Variants in MDGA1 observed in about 807,000 individuals in gnomAD.
The protein encoded by MDGA1 is MAM domain-containing glycosylphosphatidylinositol anchor protein 1.
Under a neutral mutation model 101.5 loss-of-function variants are expected in MDGA1, and 54 were observed. The observed-to-expected ratio is 0.53, with a 90% CI of 0.43 to 0.67. MDGA1 has a LOEUF of 0.67. Ranked by LOEUF, MDGA1 falls within the 30% of genes least tolerant of loss-of-function variation. MDGA1 has a pLI of 0.00. For missense variants in MDGA1, 1,083 were observed against 1,323.8 expected, an observed-to-expected ratio of 0.82 and a Z score of 2.82; for synonymous variants, 533 against 558.3, an observed-to-expected ratio of 0.95 and a Z score of 0.64.
chr6:37,638,730 T>A lies in MDGA1; in HGVS notation c.2537-63A>T. ...GCCAGGGCACCCTCACCTTTCCACA[T>A]TTACCAAGCCCTCTTCTCCCACCAT... On this transcript the variant is annotated intron_variant, in intron 14 of 16. Coordinates refer to ENST00000434837, the MANE Select transcript of MDGA1 (RefSeq NM_153487.4). This position sits in a 1 kb window ranked among gnomAD's most constrained non-coding sequence, Gnocchi z 4.8. 1 of 1,550,498 alleles carries A rather than the reference T, an allele frequency of 6.4e-7. No homozygotes were observed. Among genetic ancestry groups the A allele is most frequent in the Non-Finnish European group, 8.7e-7 (1 of 1,145,164 alleles).
rs141938252 is a variant in MDGA1, at chr6:37,668,444, A to G, written c.68-4338T>C. Among the ~76,000 whole-genome samples the G allele has an allele frequency of 1.3e-3, 193 of 152,348 alleles. 2 individuals are homozygous for G. The highest frequency in any genetic ancestry group is 2.0e-3 in the Non-Finnish European group (136 of 68,038). On this transcript the variant is annotated intron_variant, in intron 1 of 16. Transcript: ENST00000434837. ...AAATGAGTACTTATGGCAACCAAAC[A>G]ATAAGTACAAAGATATTCACAGTGG...
intron 3 of MDGA1, among the ~76,000 whole-genome samples, chr6:37,657,095 A>G (rs1262425900): frequency 1.3e-5 from 2 of 152,178 alleles, no homozygotes; most frequent in Non-Finnish European, 2.9e-5. Flanking sequence ...ACACACACAC[A>G]TATGTAAAAA....
At chr6:37,679,213 G>A (rs572993936) in intron 1 of MDGA1, among the ~76,000 whole-genome samples, 2 of 152,090 alleles carry the variant, frequency 1.3e-5, no homozygotes, top group Non-Finnish European at 2.9e-5. Context: ...ACTTTTAAAT[G>A]ACTTGAAATC....
intron 1 of MDGA1, among the ~76,000 whole-genome samples, chr6:37,667,521 A>G (rs1247381065): frequency 1.3e-5 from 2 of 152,252 alleles, no homozygotes; most frequent in Admixed American, 1.3e-4. Flanking sequence ...CTGTCACCTC[A>G]TGCAATAAAA....
At chr6:37,653,052 T>A (rs184496381) in intron 6 of MDGA1, among the ~76,000 whole-genome samples, 11 of 152,276 alleles carry the variant, frequency 7.2e-5, no homozygotes, top group Admixed American at 3.3e-4. Flanking sequence ...AAAATGTGGA[T>A]CATGTTTGAA....
In MDGA1 at chr6:37,637,352, G is replaced by A; in HGVS notation, c.*16C>T. 3 of 1,601,844 alleles carry A rather than the reference G, an allele frequency of 1.9e-6. No individual in the cohort carries two copies. The highest frequency in any genetic ancestry group is 2.6e-6 in the Non-Finnish European group (3 of 1,169,718). ...GTGCCGGGGGCAAGGTTGGGGGGGTGGCCACACAGCTCTCATCATCTCTGC... is the reference window on the plus strand; with the variant it reads ...GTGCCGGGGGCAAGGTTGGGGGGGTAGCCACACAGCTCTCATCATCTCTGC... On this transcript the variant is annotated 3_prime_UTR_variant, in exon 17 of 17. Transcript: ENST00000434837.
At chr6:37,645,849 G>A in intron 12 of MDGA1, 84 bp downstream of exon 12, 2 of 1,488,158 alleles carry the variant, frequency 1.3e-6, no homozygotes, top group Non-Finnish European at 1.9e-6. Flanking sequence ...CTATCTCAAG[G>A]ATAGCCTATC....
chr6:37,649,262 C>A lies in MDGA1; in HGVS notation c.1614G>T (p.Pro538=). 1 of 1,498,628 alleles carries A rather than the reference C, an allele frequency of 6.7e-7. No homozygotes were observed. Among genetic ancestry groups the A allele is most frequent in the Non-Finnish European group, 8.8e-7 (1 of 1,132,306 alleles). 92.8% of individuals were successfully genotyped at this position (1,498,628 alleles called of 1,614,324 possible). Residue 538 remains proline, a synonymous_variant, in exon 9 of 17, where the codon CCG becomes CCT. Transcript: ENST00000434837. ...EAQVQLNVQF[P]PEVEPSSQDV... is the part of the protein sequence containing the mutation. The stretch of plus-strand genomic sequence containing the variant: ...CCTGGGAACTGGGCTCCACCTCCGG[C>A]GGGACTGGGGGCGGGAGCGGCGGTC...
chr6:37,663,988 T>G lies in MDGA1; in HGVS notation c.186A>C (p.Val62=). The G allele has an allele frequency of 6.2e-7, 1 of 1,613,920 alleles. No individual in the cohort carries two copies. The highest frequency in any genetic ancestry group is 8.5e-7 in the Non-Finnish European group (1 of 1,179,824). ...EGDTLMLQCL[V]TGHPRPQVRW... Reference sequence around the variant, plus strand: ...TTACCTGGGGTCGAGGGTGCCCTGTTACAAGGCACTGCAGCATGAGGGTGT... The same window carrying G: ...TTACCTGGGGTCGAGGGTGCCCTGTGACAAGGCACTGCAGCATGAGGGTGT... The change falls in exon 2 of 17, where the codon GTA becomes GTC. Residue 62 remains valine (V), a synonymous_variant. Coordinates refer to ENST00000434837, the MANE Select transcript of MDGA1 (RefSeq NM_153487.4).
intron 14 of MDGA1, chr6:37,639,010 G>T: frequency 4.4e-6 from 1 of 229,868 alleles, no homozygotes; most frequent in Non-Finnish European, 8.8e-6. Flanking sequence ...CCAGGGCAGT[G>T]GGACCTCTGT....
intron 1 of MDGA1, among the ~76,000 whole-genome samples, chr6:37,686,550 C>G (rs1334383684): frequency 6.6e-6 from 1 of 151,878 alleles, no homozygotes; most frequent in African/African-American, 2.4e-5. Flanking sequence ...CCTCAGCCTC[C>G]CGAGTAGCTG....
chr6:37,665,747 T>C (rs1394975004), intron 1 of MDGA1, among the ~76,000 whole-genome samples: 1 of 152,226 alleles, frequency 6.6e-6, no homozygotes, highest in Non-Finnish European at 1.5e-5. Flanking sequence ...TGCCTTTGTG[T>C]CTTCTGTGTC....
chr6:37,631,515 T>C lies in MDGA1; in HGVS notation c.*5853A>G, dbSNP rs1027969117. The C allele has an allele frequency of 6.6e-6, 1 of 152,226 alleles. No individual in the cohort carries two copies. The highest frequency in any genetic ancestry group is 1.5e-5 in the Non-Finnish European group (1 of 68,048). The allele number at this position is 152,226 out of a possible 1,614,324, so 9.4% of individuals were successfully genotyped here. Reference sequence around the variant, plus strand: ...CCCATCTGGAACATGGAAGTGAAACTGCCCAATCGACCTACCTGAATCATT... The same window carrying C: ...CCCATCTGGAACATGGAAGTGAAACCGCCCAATCGACCTACCTGAATCATT... On this transcript the variant is annotated 3_prime_UTR_variant, in exon 17 of 17. Transcript: ENST00000434837.
At position 37,638,707 on chromosome 6, in the gene MDGA1, C is replaced by A; in HGVS notation, c.2537-40G>T. Reference sequence around the variant, plus strand: ...AAGACAGTGGGCAGTGAGATCTGGCCAGGGCACCCTCACCTTTCCACATTT... The same window carrying A: ...AAGACAGTGGGCAGTGAGATCTGGCAAGGGCACCCTCACCTTTCCACATTT... On this transcript the variant is annotated intron_variant, in intron 14 of 16. Transcript: ENST00000434837. The surrounding 1 kb of genome is among the most constrained non-coding windows in gnomAD (Gnocchi z 4.8). 6.3e-7 allele frequency: 1 copy of A among 1,585,264 alleles called. No homozygotes were observed. Among genetic ancestry groups the A allele is most frequent in the Non-Finnish European group, 8.6e-7 (1 of 1,165,040 alleles).
At chr6:37,644,747 CCAAG>C in intron 12 of MDGA1, 98 bp from the exon 13 acceptor site, 1 of 1,241,238 alleles carries the variant, frequency 8.1e-7, no homozygotes, top group Non-Finnish European at 1.1e-6. Context: ...TCCCATGCAT[CCAAG>C]CAAGGCACCC....
At position 37,651,663 on chromosome 6, in the gene MDGA1, TAA is replaced by T. The variant is rs1348091488; in HGVS notation, c.1312+346_1312+347del. 7.2e-5 allele frequency among the ~76,000 whole-genome samples: 11 copies of T among 152,292 alleles called. 1 individual carries two copies. The highest frequency in any genetic ancestry group is 7.2e-4 in the Admixed American group (11 of 15,306). On this transcript the variant is annotated intron_variant, in intron 7 of 16. Transcript: ENST00000434837. ...CAAGCCCTCTACACACCGTACAGGC[TAA>T]AGAGTAGTCTCTCCCTTTGAGGCTG...
Position 37,638,289 on chromosome 6 carries a change from G to C in MDGA1, c.2692C>G (p.Pro898Ala), listed in dbSNP as rs1241139314. ...FQIIFEGVRG[P>A]GYLGDIAIDD... is the part of the protein sequence containing the mutation. ...ATGGCAATATCCCCCAGGTAGCCCG[G>C]GCCTCGAACCCCCTCAAAAATAATC... Residue 898 changes from proline to alanine, a missense_variant, in exon 16 of 17, where the codon CCG becomes GCG. Transcript: ENST00000434837. This position sits in a 1 kb window ranked among gnomAD's most constrained non-coding sequence, Gnocchi z 4.8. 1 of 1,611,490 alleles carries C rather than the reference G, an allele frequency of 6.2e-7. No homozygotes were observed. The highest frequency in any genetic ancestry group is 8.5e-7 in the Non-Finnish European group (1 of 1,178,800).
chr6:37,652,649 T>C lies in MDGA1; in HGVS notation c.983-309A>G, dbSNP rs1367121540. 6.6e-6 allele frequency among the ~76,000 whole-genome samples: 1 copy of C among 152,208 alleles called. No individual in the cohort carries two copies. Among genetic ancestry groups the C allele is most frequent in the Non-Finnish European group, 1.5e-5 (1 of 68,040 alleles). On this transcript the variant is annotated intron_variant, in intron 6 of 16. Coordinates refer to ENST00000434837, the MANE Select transcript of MDGA1 (RefSeq NM_153487.4). The surrounding 1 kb of genome is among the most constrained non-coding windows in gnomAD (Gnocchi z 4.3). Reference sequence around the variant, plus strand: ...TACTAGTTTAACCCATCCCAGAATCTCTGAAGGAGATGCTTTATTACCCCC... The same window carrying C: ...TACTAGTTTAACCCATCCCAGAATCCCTGAAGGAGATGCTTTATTACCCCC...
At chr6:37,681,753 T>TAC (rs3997719) in intron 1 of MDGA1, among the ~76,000 whole-genome samples, 5 of 152,002 alleles carry the variant, frequency 3.3e-5, no homozygotes, top group East Asian at 3.9e-4. Context: ...TATACACAGA[T>TAC]ACACACACAC....
Sources: gnomAD v4.1 joint callset for allele counts (sites outside exome capture counted in the v4.1 genomes callset) on GRCh38, gnomAD v4.1.1 for gene constraint, Gnocchi (gnomAD v3.1) non-coding constraint, MANE v1.5 for transcripts, NCBI Gene and HGNC (gene_info 2026-07-23, HGNC 2026-07-21) for gene names.